Variants in MTUS2 observed in about 807,000 individuals in gnomAD.
The protein encoded by MTUS2 is microtubule associated scaffold protein 2, also known as microtubule-associated tumor suppressor candidate 2.
MTUS2 carries 40 observed loss-of-function variants against 114.1 expected under a neutral mutation model. The ratio of observed to expected loss-of-function variants is 0.35; its 90% confidence interval spans 0.27 to 0.46. MTUS2 has a LOEUF of 0.46. MTUS2 is among the 20% of genes least tolerant of loss of function. The pLI is 1.00. For missense variants in MTUS2, 1,679 were observed against 1,705.4 expected (o/e 0.98, Z 0.27); for synonymous variants, 688 against 672.0 (o/e 1.02, Z -0.37).
At chr13:28,957,686 G>A (rs1047338386) in intron 2 of MTUS2, among the ~76,000 whole-genome samples, 2 of 92,150 alleles carry the variant, frequency 2.2e-5, no homozygotes, top group South Asian at 3.4e-4. Flanking sequence ...TGTATCTGGA[G>A]GGGGGGGTCC....
At chr13:29,188,904 T>C (rs547870424) in intron 5 of MTUS2, among the ~76,000 whole-genome samples, 38 of 152,280 alleles carry the variant, frequency 2.5e-4, no homozygotes, top group Admixed American at 2.0e-3. Flanking sequence ...CATTTCATGG[T>C]CATATCTTTT....
chr13:29,014,452 T>C (rs1885980937), intron 2 of MTUS2, among the ~76,000 whole-genome samples: 1 of 152,198 alleles, frequency 6.6e-6, no homozygotes, highest in Non-Finnish European at 1.5e-5. Context: ...CTGCAGTGCA[T>C]GGAGTACTAG....
At chr13:29,491,140 A>G (rs1292485647) in intron 11 of MTUS2, among the ~76,000 whole-genome samples, 3 of 145,764 alleles carry the variant, frequency 2.1e-5, no homozygotes, top group African/African-American at 7.6e-5. Context: ...ATGTGTGTGT[A>G]TATGTGTGGT....
chr13:29,203,618 C>T (rs1895056079), intron 5 of MTUS2, among the ~76,000 whole-genome samples: 1 of 150,252 alleles, frequency 6.7e-6, no homozygotes, highest in Admixed American at 6.6e-5. Flanking sequence ...AATGGCTGCA[C>T]AATTTTGTGC....
intron 5 of MTUS2, among the ~76,000 whole-genome samples, chr13:29,171,236 G>A (rs149186758): frequency 1.6e-4 from 25 of 152,136 alleles, no homozygotes; most frequent in African/African-American, 5.3e-4. Flanking sequence ...ACCATTTTTT[G>A]TTCAGGTTCT....
At chr13:28,871,014 A>G (rs1489645513) in intron 2 of MTUS2, among the ~76,000 whole-genome samples, 2 of 152,204 alleles carry the variant, frequency 1.3e-5, no homozygotes, top group Non-Finnish European at 2.9e-5. Context: ...GGGAATAGAA[A>G]GGTATGAGAG....
intron 5 of MTUS2, among the ~76,000 whole-genome samples, chr13:29,118,850 G>A (rs757963382): frequency 4.6e-5 from 7 of 152,190 alleles, no homozygotes; most frequent in Non-Finnish European, 1.0e-4. Flanking sequence ...TGGGTGACCA[G>A]TGTCCTCCCT....
chr13:29,117,697 C>A (rs1325866396), intron 5 of MTUS2, among the ~76,000 whole-genome samples: 1 of 152,188 alleles, frequency 6.6e-6, no homozygotes, highest in Non-Finnish European at 1.5e-5. Context: ...ATTTTTCCAG[C>A]ACCATTTATT....
chr13:29,321,757 G>A (rs1900264255), intron 6 of MTUS2, among the ~76,000 whole-genome samples: 2 of 152,102 alleles, frequency 1.3e-5, no homozygotes, highest in Admixed American at 1.3e-4. Context: ...AAAAGTAAAA[G>A]CTCCTAAATC....
At chr13:29,489,280 G>C (rs899639389) in intron 11 of MTUS2, among the ~76,000 whole-genome samples, 3 of 152,154 alleles carry the variant, frequency 2.0e-5, no homozygotes, top group Admixed American at 1.3e-4. Flanking sequence ...AAAAAAGTGT[G>C]TATTAAAAGC....
chr13:29,141,981 T>G (rs1358467415), intron 5 of MTUS2, among the ~76,000 whole-genome samples: 1 of 151,600 alleles, frequency 6.6e-6, no homozygotes, highest in Admixed American at 6.6e-5. Context: ...TGCCTCAGCC[T>G]CCCGAGTAGC....
At chr13:29,139,222 C>T (rs1892113981) in intron 5 of MTUS2, among the ~76,000 whole-genome samples, 1 of 152,152 alleles carries the variant, frequency 6.6e-6, no homozygotes, top group Admixed American at 6.5e-5. Context: ...AGTGAGAAAG[C>T]ACAAGCACAA....
At chr13:29,105,477 T>A (rs887606617) in intron 5 of MTUS2, among the ~76,000 whole-genome samples, 1 of 152,198 alleles carries the variant, frequency 6.6e-6, no homozygotes, top group African/African-American at 2.4e-5. Context: ...AAAATAGCTA[T>A]CAAAGAAGTA....
At chr13:29,327,185 C>T (rs1900556992) in intron 7 of MTUS2, among the ~76,000 whole-genome samples, 1 of 151,880 alleles carries the variant, frequency 6.6e-6, no homozygotes, top group Non-Finnish European at 1.5e-5. Flanking sequence ...ACCAAAAAAA[C>T]TAAACCGAAG....
At chr13:29,258,727 A>G (rs1168421892) in intron 5 of MTUS2, among the ~76,000 whole-genome samples, 1 of 152,254 alleles carries the variant, frequency 6.6e-6, no homozygotes, top group Non-Finnish European at 1.5e-5. Flanking sequence ...CATTTCATAA[A>G]TATTTTAGGA....
chr13:28,975,790 A>T (rs1884067153), intron 2 of MTUS2, among the ~76,000 whole-genome samples: 2 of 152,002 alleles, frequency 1.3e-5, no homozygotes, highest in Admixed American at 6.6e-5. Context: ...CCTTTTTGAA[A>T]CTCAGCTTAT....
chr13:29,117,666 C>T (rs1891145110), intron 5 of MTUS2, among the ~76,000 whole-genome samples: 1 of 152,160 alleles, frequency 6.6e-6, no homozygotes, highest in Admixed American at 6.5e-5. Context: ...GCCGCTGTGA[C>T]AGAAAGCTGA....
At chr13:29,482,812 A>G (rs375282186) in intron 10 of MTUS2, among the ~76,000 whole-genome samples, 2 of 152,190 alleles carry the variant, frequency 1.3e-5, no homozygotes, top group Admixed American at 1.3e-4. Flanking sequence ...ACACAAACCC[A>G]TTGGTTTGGG....
At chr13:29,036,646 C>A (rs376020033) in intron 4 of MTUS2, among the ~76,000 whole-genome samples, 10 of 152,166 alleles carry the variant, frequency 6.6e-5, no homozygotes, top group African/African-American at 2.2e-4. Context: ...GAGTCTAAGT[C>A]TCTTTGTAGG....
Sources: allele counts gnomAD v4.1 joint callset (sites outside exome capture counted in the v4.1 genomes callset), GRCh38; gene constraint gnomAD v4.1.1; transcripts MANE v1.5; gene names NCBI Gene and HGNC (gene_info 2026-07-23, HGNC 2026-07-21).